Variants in IFT20 observed in about 807,000 individuals in gnomAD.
IFT20 encodes intraflagellar transport protein 20 homolog.
A neutral mutation model predicts 16.9 loss-of-function variants in IFT20; 4 were observed. That is an observed-to-expected ratio of 0.24 (90% CI 0.12 to 0.54). The LOEUF (loss-of-function observed/expected upper bound fraction) is 0.54, where lower values mean the gene tolerates loss of function less well. Ranked by LOEUF, IFT20 falls within the 20% of genes least tolerant of loss-of-function variation. IFT20 has a pLI of 0.95. For synonymous variants in IFT20, 48 were observed against 49.9 expected (o/e 0.96, Z 0.16); for missense variants, 154 against 149.7 (o/e 1.03, Z -0.15).
At chr17:28,333,305 G>C (rs534446318) in intron 1 of IFT20, among the ~76,000 whole-genome samples, 16 of 152,316 alleles carry the variant, frequency 1.1e-4, no homozygotes, top group Admixed American at 2.6e-4. Context: ...GAGAAGTCCT[G>C]TTCTGAATGG....
chr17:28,334,678 C>T (rs147881659), intron 1 of IFT20, among the ~76,000 whole-genome samples: 3 of 152,380 alleles, frequency 2.0e-5, no homozygotes, highest in African/African-American at 7.2e-5. Flanking sequence ...ACATAACTGG[C>T]ACTCAGTAAA....
chr17:28,330,933 G>A (rs369927045), intron 2 of IFT20, among the ~76,000 whole-genome samples: 9 of 152,316 alleles, frequency 5.9e-5, no homozygotes, highest in African/African-American at 2.2e-4. Context: ...TATGACCTCC[G>A]GCTATGAAAG....
At chr17:28,334,228 A>G (rs1906979977) in intron 1 of IFT20, among the ~76,000 whole-genome samples, 1 of 152,246 alleles carries the variant, frequency 6.6e-6, no homozygotes, top group African/African-American at 2.4e-5. Context: ...TGGGGGGCGG[A>G]CTTGGAGGGG....
chr17:28,330,335 C>T lies in IFT20; in HGVS notation c.213+108G>A, dbSNP rs782392380. On this transcript the variant is annotated intron_variant, in intron 3 of 4. Transcript: ENST00000395418. Reference sequence around the variant, plus strand: ...TATTAAAATCTTAAATAAAAATTCACCCACCCAGCCCTCTACCCCTCTAAA... The same window carrying T: ...TATTAAAATCTTAAATAAAAATTCATCCACCCAGCCCTCTACCCCTCTAAA... 3.9e-6 allele frequency: 3 copies of T among 766,658 alleles called. No homozygotes were observed. In the African/African-American group the frequency reaches 5.2e-5, roughly 13 times the overall value. 47.5% of individuals were successfully genotyped at this position (766,658 alleles called of 1,614,324 possible). A position where few individuals can be genotyped will look rare whatever the true frequency, so the allele number is the denominator to read the frequency against.
intron 2 of IFT20, 76 bp from the exon 3 acceptor site, chr17:28,330,604 A>T: frequency 1.0e-6 from 1 of 991,628 alleles, no homozygotes; most frequent in Non-Finnish European, 1.6e-6. Flanking sequence ...TAAGGCAGTG[A>T]GAGGGCAGAG....
intron 1 of IFT20, chr17:28,332,294 G>C: frequency 7.7e-7 from 1 of 1,296,458 alleles, no homozygotes; most frequent in Non-Finnish European, 1.1e-6. Flanking sequence ...CACATTTCTT[G>C]AGTGCCTACT....
chr17:28,329,271 G>A lies in IFT20; in HGVS notation c.219C>T (p.Ile73=), dbSNP rs529495583. Residue 73 remains isoleucine, a synonymous_variant, in exon 4 of 5, where the codon ATC becomes ATT. Coordinates refer to ENST00000395418, the MANE Select transcript of IFT20 (RefSeq NM_001267776.2). ...TAGATTTGAGCAAGTTCCGAGCACCGATGGCCTACAGTATTGCCAGAGAAG... is the reference window on the plus strand; with the variant it reads ...TAGATTTGAGCAAGTTCCGAGCACCAATGGCCTACAGTATTGCCAGAGAAG... ...KEAENEKMKA[I]GARNLLKSIA... The A allele has an allele frequency of 6.2e-5, 100 of 1,613,358 alleles. No individual in the cohort carries two copies. Among genetic ancestry groups the A allele is most frequent in the Admixed American group, 2.7e-4 (16 of 59,968 alleles).
rs1322929947 is a variant in IFT20, at chr17:28,328,813, A to G, written c.318-80T>C. On this transcript the variant is annotated intron_variant, in intron 4 of 4. Transcript: ENST00000395418. ...CTAATTCTTCTAGAGAAGGATATAGAGGTTTAAATGATTTCAAGAAATGGT... is the reference window on the plus strand; with the variant it reads ...CTAATTCTTCTAGAGAAGGATATAGGGGTTTAAATGATTTCAAGAAATGGT... 58 of 879,596 alleles carry G rather than the reference A, an allele frequency of 6.6e-5. No individual in the cohort carries two copies. In the East Asian group the frequency reaches 7.2e-4, roughly 11 times the overall value. 54.5% of individuals were successfully genotyped at this position (879,596 alleles called of 1,614,324 possible).
intron 2 of IFT20, 103 bp downstream of exon 2, chr17:28,331,756 C>T: frequency 2.7e-6 from 4 of 1,487,960 alleles, no homozygotes; most frequent in Non-Finnish European, 3.7e-6. Flanking sequence ...GATTCAACCT[C>T]CAGGGAGCCA....
intron 1 of IFT20, among the ~76,000 whole-genome samples, chr17:28,335,104 A>G (rs886190025): frequency 6.6e-6 from 1 of 151,788 alleles, no homozygotes; most frequent in Non-Finnish European, 1.5e-5. Context: ...CTGCGAGCCG[A>G]CTCTTTACTA....
chr17:28,328,379 A>T lies in IFT20; in HGVS notation c.*273T>A, dbSNP rs76925317. The T allele has an allele frequency of 3.2e-6, 1 of 316,604 alleles. No homozygotes were observed. The highest frequency in any genetic ancestry group is 5.8e-6 in the Non-Finnish European group (1 of 173,558). 19.6% of individuals were successfully genotyped at this position (316,604 alleles called of 1,614,324 possible). A position where few individuals can be genotyped will look rare whatever the true frequency, so the allele number is the denominator to read the frequency against. On this transcript the variant is annotated 3_prime_UTR_variant, in exon 5 of 5. Transcript: ENST00000395418. ...TCCTTCCAAAGCTTTGTGAATTTAC[A>T]AAAAAAAGGATGAAAGTTTACAAAC... is the stretch of plus-strand genomic sequence containing the variant.
Position 28,331,913 on chromosome 17 carries a change from C to G in IFT20, c.73G>C (p.Glu25Gln). 6.2e-7 allele frequency: 1 copy of G among 1,614,256 alleles called. No homozygotes were observed. Among genetic ancestry groups the G allele is most frequent in the Non-Finnish European group, 8.5e-7 (1 of 1,180,056 alleles). The change falls in exon 2 of 5, where the codon GAG becomes CAG. Residue 25 changes from glutamate to glutamine, a missense_variant. Transcript: ENST00000395418. The stretch of plus-strand genomic sequence containing the variant: ...AGCTCTATGGTCTGCTGGGTAACCT[C>G]TGGGTCCAACACCCTCAGCTTGTTC... Reference protein sequence around the residue: ...ELNKLRVLDPEVTQQTIELKE... With the variant: ...ELNKLRVLDPQVTQQTIELKE...
In IFT20 at chr17:28,328,675, C is replaced by T. The variant is rs982925150; in HGVS notation, c.376G>A (p.Asp126Asn). 1 of 1,604,380 alleles carries T rather than the reference C, an allele frequency of 6.2e-7. No individual in the cohort carries two copies. The highest frequency in any genetic ancestry group is 1.7e-5 in the Admixed American group (1 of 57,912). ...KVEAEQNEFI[D>N]QFIFQK ...GTTCATTTCTGAAAAATAAATTGGT[C>T]AATAAATTCATTTTGTTCTGCTTCT... Residue 126 changes from aspartate (D) to asparagine (N), a missense_variant, in exon 5 of 5, where the codon GAC becomes AAC. Asp to Asn is a conservative substitution (Grantham distance 23, BLOSUM62 1). Coordinates refer to ENST00000395418, the MANE Select transcript of IFT20 (RefSeq NM_001267776.2).
intron 1 of IFT20, among the ~76,000 whole-genome samples, chr17:28,333,083 A>G (rs550534428): frequency 7.0e-6 from 1 of 143,184 alleles, no homozygotes; most frequent in African/African-American, 2.9e-5. Context: ...ACACACACAC[A>G]CACACACACA....
At position 28,331,947 on chromosome 17, in the gene IFT20, A is replaced by G; in HGVS notation, c.39T>C (p.Phe13=). The change falls in exon 2 of 5, where the codon TTT becomes TTC. Residue 13 remains phenylalanine (F), a synonymous_variant. Transcript: ENST00000395418. The part of the protein sequence containing the change: ...KDILGEAGLH[F]DELNKLRVLD... ...ACACCCTCAGCTTGTTCAGTTCATC[A>G]AAGTGTAGCCCTGCTTCACCCAGGA... The G allele has an allele frequency of 6.2e-7, 1 of 1,614,236 alleles. No homozygotes were observed. The highest frequency in any genetic ancestry group is 8.5e-7 in the Non-Finnish European group (1 of 1,180,042).
At chr17:28,330,218 A>G in intron 3 of IFT20, 1 of 603,378 alleles carries the variant, frequency 1.7e-6, no homozygotes. Flanking sequence ...CCTGGGTGAC[A>G]CAGCAAGACT....
chr17:28,330,666 G>C (rs983873737), intron 2 of IFT20, 138 bp from the exon 3 acceptor site: 260 of 640,336 alleles, frequency 4.1e-4, no homozygotes, highest in Non-Finnish European at 9.3e-5. Context: ...GGCCAGGCGT[G>C]GTGGAGAGCA....
At chr17:28,330,206 A>G (rs1367089732) in intron 3 of IFT20, 10 of 612,356 alleles carry the variant, frequency 1.6e-5, no homozygotes, top group Admixed American at 1.5e-4. Flanking sequence ...AGTGCACTCC[A>G]GCCTGGGTGA....
intron 1 of IFT20, among the ~76,000 whole-genome samples, chr17:28,333,661 T>C (rs1343424106): frequency 1.3e-5 from 2 of 152,204 alleles, no homozygotes; most frequent in African/African-American, 4.8e-5. Context: ...GCCAGTGCAG[T>C]AGCTCATGCC....
Sources: allele counts gnomAD v4.1 joint callset (sites outside exome capture counted in the v4.1 genomes callset), GRCh38; gene constraint gnomAD v4.1.1; transcripts MANE v1.5; gene names NCBI Gene and HGNC (gene_info 2026-07-23, HGNC 2026-07-21).